Variants in TGFB1 observed in about 807,000 individuals in gnomAD.
TGFB1 encodes the protein transforming growth factor beta-1 proprotein.
Under a neutral mutation model 43.8 loss-of-function variants are expected in TGFB1, and 19 were observed. The ratio of observed to expected loss-of-function variants is 0.43; its 90% CI spans 0.30 to 0.64. The LOEUF is 0.64. Among genes scored for constraint, TGFB1 ranks in the 30% least tolerant of loss-of-function variants. The pLI is 0.11. For missense variants in TGFB1, 445 were observed against 529.8 expected (o/e 0.84, Z 1.57); for synonymous variants, 221 against 236.3 (o/e 0.94, Z 0.60).
chr19:41,336,685 C>T (rs2037991978), intron 5 of TGFB1, among the ~76,000 whole-genome samples: 1 of 152,046 alleles, frequency 6.6e-6, no homozygotes, highest in African/African-American at 2.4e-5. Flanking sequence ...CCACTGCAGC[C>T]AGCCGACAAT....
chr19:41,339,347 A>G (rs914960609), intron 5 of TGFB1, among the ~76,000 whole-genome samples: 1 of 151,826 alleles, frequency 6.6e-6, no homozygotes, highest in Non-Finnish European at 1.5e-5. Flanking sequence ...TTGAACTCCT[A>G]AGCTCAAGCG....
At position 41,331,047 on chromosome 19, in the gene TGFB1, G is replaced by A. The variant is rs1338463452; in HGVS notation, c.*5C>T. 36 of 1,545,100 alleles carry A rather than the reference G, an allele frequency of 2.3e-5. No individual in the cohort carries two copies. Among genetic ancestry groups the A allele is most frequent in the Non-Finnish European group, 2.8e-5 (32 of 1,147,302 alleles). On this transcript the variant is annotated 3_prime_UTR_variant, in exon 7 of 7. Transcript: ENST00000221930. ...TGCCGGGGCGGGGCGGGGCGGGGCG[G>A]GACCTCAGCTGCACTTGCAGGAGCG...
intron 5 of TGFB1, 94 bp downstream of exon 5, chr19:41,341,789 A>C: frequency 6.6e-7 from 1 of 1,526,662 alleles, no homozygotes; most frequent in Non-Finnish European, 9.0e-7. Flanking sequence ...GCCCAAGCAC[A>C]GCAGCAGCCA....
Position 41,352,848 on chromosome 19 carries a change from C to G in TGFB1, c.197G>C (p.Gly66Ala). ...KLRLASPPSQ[G>A]EVPPGPLPEA... ...GGGCAGCGGGCCGGGCGGCACCTCC[C>G]CCTGGCTCGGGGGGCTGGCGAGCCG... The change falls in exon 1 of 7, where the codon GGG (glycine) becomes GCG (alanine). Residue 66 changes from glycine to alanine, a missense_variant. Coordinates refer to ENST00000221930, the MANE Select transcript of TGFB1 (RefSeq NM_000660.7). The G allele has an allele frequency of 6.4e-7, 1 of 1,570,080 alleles. No homozygotes were observed. Among genetic ancestry groups the G allele is most frequent in the Non-Finnish European group, 8.6e-7 (1 of 1,159,992 alleles).
At chr19:41,342,303 G>A (rs2038066563) in intron 3 of TGFB1, 56 bp from the exon 4 acceptor site, 2 of 1,541,084 alleles carry the variant, frequency 1.3e-6, no homozygotes, top group Non-Finnish European at 1.8e-6. Flanking sequence ...CCAGCCCCTG[G>A]AGGAAGAGGA....
intron 5 of TGFB1, among the ~76,000 whole-genome samples, chr19:41,335,537 C>T (rs2037979238): frequency 6.6e-6 from 1 of 152,202 alleles, no homozygotes; most frequent in Admixed American, 6.5e-5. Context: ...CCACTGAAAT[C>T]AGAAATTGTG....
intron 1 of TGFB1, chr19:41,350,730 G>C (rs967123775): frequency 6.6e-6 from 1 of 152,360 alleles, no homozygotes; most frequent in Non-Finnish European, 1.5e-5. Flanking sequence ...AGAGACTGGT[G>C]AGAAAGGCAG....
At chr19:41,340,251 CTTT>C (rs3061188) in intron 5 of TGFB1, among the ~76,000 whole-genome samples, 2,377 of 125,060 alleles carry the variant, frequency 0.019, 25 homozygotes, top group Non-Finnish European at 0.028. Flanking sequence ...CACTTTCTTT[CTTT>C]TTTTTTTTTT....
Position 41,344,884 on chromosome 19 carries a change from GGA to G in TGFB1, c.517-22_517-21del. The stretch of plus-strand genomic sequence containing the variant: ...GTATTTCTAGAGGATGATGAAGGCA[GGA>G]GAGAGACAGTGGGTAGATGGTGTCA... On this transcript the variant is annotated intron_variant, in intron 2 of 6. Coordinates refer to ENST00000221930, the MANE Select transcript of TGFB1 (RefSeq NM_000660.7). The G allele has an allele frequency of 2.6e-6, 4 of 1,562,032 alleles. No individual in the cohort carries two copies. Among genetic ancestry groups the G allele is most frequent in the South Asian group, 2.3e-5 (2 of 85,406 alleles).
intron 2 of TGFB1, among the ~76,000 whole-genome samples, chr19:41,347,460 A>G (rs545462552): frequency 6.6e-6 from 1 of 152,270 alleles, no homozygotes; most frequent in Non-Finnish European, 1.5e-5. Context: ...CTGTGTCCTT[A>G]AAGAGTCCAA....
chr19:41,336,195 A>AC (rs1189557274), intron 5 of TGFB1, among the ~76,000 whole-genome samples: 1 of 151,654 alleles, frequency 6.6e-6, no homozygotes, highest in African/African-American at 2.4e-5. Flanking sequence ...ACAGGGTTTC[A>AC]CCATGTTGGA....
intron 3 of TGFB1, 146 bp from the exon 4 acceptor site, chr19:41,342,393 T>A (rs1256554150): frequency 6.4e-4 from 46 of 72,374 alleles, no homozygotes; most frequent in Middle Eastern, 3.2e-3. Context: ...GCTCTCTCTT[T>A]TTTTTTTTTT....
At chr19:41,348,526 T>G in intron 1 of TGFB1, 71 bp from the exon 2 acceptor site, 1 of 1,562,372 alleles carries the variant, frequency 6.4e-7, no homozygotes, top group Non-Finnish European at 8.8e-7. Context: ...CTCCCAACTC[T>G]AGGAGTTTTG....
At chr19:41,336,244 C>T (rs1185623893) in intron 5 of TGFB1, among the ~76,000 whole-genome samples, 2 of 151,848 alleles carry the variant, frequency 1.3e-5, no homozygotes, top group South Asian at 2.1e-4. Flanking sequence ...GTGATCCACC[C>T]GCCTCAGCCT....
chr19:41,331,126 C>T lies in TGFB1; in HGVS notation c.1099G>A (p.Val367Met), dbSNP rs1259990378. 1.3e-6 allele frequency: 2 copies of T among 1,578,484 alleles called. No individual in the cohort carries two copies. The highest frequency in any genetic ancestry group is 1.7e-6 in the Non-Finnish European group (2 of 1,164,376). ...TTGGGCTTGCGGCCCACGTAGTACA[C>T]GATGGGCAGCGGCTCCAGCGCCTGC... ...VPQALEPLPI[V>M]YYVGRKPKVE... The change falls in exon 7 of 7, where the codon GTG becomes ATG. Residue 367 changes from valine to methionine, a missense_variant. Coordinates refer to ENST00000221930, the MANE Select transcript of TGFB1 (RefSeq NM_000660.7).
chr19:41,348,145 AG>A, intron 2 of TGFB1, 149 bp downstream of exon 2: 1 of 747,774 alleles, frequency 1.3e-6, no homozygotes, highest in East Asian at 2.9e-5. Context: ...AAAAAAAAAA[AG>A]CGTTCTAGGA....
chr19:41,347,549 C>G (rs926547189), intron 2 of TGFB1, among the ~76,000 whole-genome samples: 1 of 151,928 alleles, frequency 6.6e-6, no homozygotes, highest in Non-Finnish European at 1.5e-5. Flanking sequence ...CTCTAGGTTC[C>G]GGGTGCAGTG....
Position 41,330,973 on chromosome 19 carries a change from C to T in TGFB1, c.*79G>A, listed in dbSNP as rs2037922033. The T allele has an allele frequency of 3.0e-6, 4 of 1,331,714 alleles. No individual in the cohort carries two copies. The highest frequency in any genetic ancestry group is 3.9e-6 in the Non-Finnish European group (4 of 1,013,240). The allele number at this position is 1,331,714 out of a possible 1,614,324, so 82.5% of individuals were successfully genotyped here. On this transcript the variant is annotated 3_prime_UTR_variant, in exon 7 of 7. Coordinates refer to ENST00000221930, the MANE Select transcript of TGFB1 (RefSeq NM_000660.7). ...CTTGGGGCACGGGTGTCCTTAAATA[C>T]AGCCCCCATGGGCAAGGCAGCGGGG...
At chr19:41,339,638 C>A (rs1302100292) in intron 5 of TGFB1, among the ~76,000 whole-genome samples, 1 of 152,050 alleles carries the variant, frequency 6.6e-6, no homozygotes, top group Non-Finnish European at 1.5e-5. Flanking sequence ...GCCTGACCAA[C>A]ATGGTGAAAC....
Sources: gnomAD v4.1 joint callset for allele counts (sites outside exome capture counted in the v4.1 genomes callset) on GRCh38, gnomAD v4.1.1 for gene constraint, MANE v1.5 for transcripts, NCBI Gene and HGNC (gene_info 2026-07-23, HGNC 2026-07-21) for gene names.